The following GAS2L1 variants were observed in gnomAD, a reference collection of about 807,000 sequenced individuals.
GAS2L1 encodes growth arrest specific 2 like 1.
In GAS2L1, 26 loss-of-function variants were observed where a neutral mutation model predicts 44.0. The observed-to-expected ratio is 0.59, with a 90% CI of 0.43 to 0.82. The LOEUF is 0.82. Among genes scored for constraint, GAS2L1 ranks in the 40% least tolerant of loss-of-function variants. The probability of loss-of-function intolerance (pLI) is 0.00; values close to 1 mark genes in which losing one functional copy is unlikely to be tolerated. For missense variants in GAS2L1, 1,006 were observed against 983.0 expected, an observed-to-expected ratio of 1.02 and a Z score of -0.31; for synonymous variants, 426 against 415.9, an observed-to-expected ratio of 1.02 and a Z score of -0.30.
At chr22:29,310,294 G>T in intron 1 of GAS2L1, 145 bp from the exon 3 acceptor site, 1 of 565,624 alleles carries the variant, frequency 1.8e-6, no homozygotes. Context: ...AAGGTCACGT[G>T]TGGAAGCTGT....
rs1168471133 is a variant in GAS2L1, at chr22:29,311,013, G to A, written c.1010+15G>A. 3 of 1,606,268 alleles carry A rather than the reference G, an allele frequency of 1.9e-6. No homozygotes were observed. Among genetic ancestry groups the A allele is most frequent in the African/African-American group, 1.3e-5 (1 of 74,878 alleles). Reference sequence around the variant, plus strand: ...ACCCCACCCAGGTGAGATGCAGGAGGACGAGGAGTGAGGGGTCCAGAGGGT... The same window carrying A: ...ACCCCACCCAGGTGAGATGCAGGAGAACGAGGAGTGAGGGGTCCAGAGGGT... On this transcript the variant is annotated intron_variant, in intron 4 of 4. Transcript: ENST00000618518.
At chr22:29,307,988 G>A (rs2061365006) in exon 1 of GAS2L1, 1 of 774,824 alleles carries the variant, frequency 1.3e-6, no homozygotes, top group Non-Finnish European at 1.9e-6. Context: ...CCAGGCATTT[G>A]GCCTGAGTGA....
At chr22:29,310,938 G>T in exon 4 of GAS2L1, 1 of 1,613,748 alleles carries the variant, frequency 6.2e-7, no homozygotes, top group Middle Eastern at 1.7e-4. Flanking sequence ...CGGGGCTCCC[G>T]GCCTGAGATG....
chr22:29,311,471 T>A, exon 5 of GAS2L1: 1 of 1,370,244 alleles, frequency 7.3e-7, no homozygotes, highest in Non-Finnish European at 9.9e-7. Flanking sequence ...GGCCCCGGGA[T>A]CAGCTGCCCC....
exon 1 of GAS2L1, chr22:29,307,450 CT>C (rs1569137863): frequency 6.6e-6 from 1 of 152,372 alleles, no homozygotes; most frequent in African/African-American, 2.4e-5. Flanking sequence ...CGCCGGGCTC[CT>C]CCACCCACAG....
exon 3 of GAS2L1, chr22:29,310,721 C>A: frequency 1.2e-6 from 2 of 1,609,178 alleles, no homozygotes; most frequent in Non-Finnish European, 1.7e-6. Context: ...ACCCGTGCCG[C>A]TGCTCCTCCA....
chr22:29,308,179 A>T, exon 1 of GAS2L1: 1 of 1,605,914 alleles, frequency 6.2e-7, no homozygotes, highest in Non-Finnish European at 8.5e-7. Context: ...AGTGAGGCCT[A>T]CGTGGAGGCC....
At chr22:29,310,847 A>G in exon 4 of GAS2L1, 2 of 1,611,392 alleles carry the variant, frequency 1.2e-6, no homozygotes, top group Non-Finnish European at 1.7e-6. Context: ...ACCCCAGCCG[A>G]GGGTCTGCAC....
exon 3 of GAS2L1, chr22:29,310,732 C>G (rs757586404): frequency 2.5e-5 from 40 of 1,608,422 alleles, no homozygotes; most frequent in Non-Finnish European, 3.4e-5. Context: ...TGCTCCTCCA[C>G]TGGTCAGTGC....
At position 29,311,016 on chromosome 22, in the gene GAS2L1, G is replaced by C. The variant is rs1425610122; in HGVS notation, c.1010+18G>C. ...CCACCCAGGTGAGATGCAGGAGGACGAGGAGTGAGGGGTCCAGAGGGTGGG... is the reference window on the plus strand; with the variant it reads ...CCACCCAGGTGAGATGCAGGAGGACCAGGAGTGAGGGGTCCAGAGGGTGGG... On this transcript the variant is annotated intron_variant, in intron 4 of 4. Transcript: ENST00000618518. 2.5e-6 allele frequency: 4 copies of C among 1,604,694 alleles called. 1 individual carries two copies. The South Asian group carries it at 4.4e-5, about 18-fold the overall frequency.
At chr22:29,310,350 C>G in intron 1 of GAS2L1, 89 bp from the exon 3 acceptor site, 1 of 746,054 alleles carries the variant, frequency 1.3e-6, no homozygotes, top group African/African-American at 1.7e-5. Context: ...CCCGGAAAGC[C>G]TGACTTCCTC....
chr22:29,307,205 G>A (rs2061358530), exon 1 of GAS2L1: 1 of 152,094 alleles, frequency 6.6e-6, no homozygotes, highest in South Asian at 2.1e-4. Flanking sequence ...GGACGGGGGT[G>A]GGGAGGCGGG....
At chr22:29,312,492 A>T in exon 5 of GAS2L1, 1 of 1,507,786 alleles carries the variant, frequency 6.6e-7, no homozygotes. Flanking sequence ...AGATTCCTGG[A>T]TGTGATGGAC....
At chr22:29,309,412 C>T (rs769332633) in intron 1 of GAS2L1, among the ~76,000 whole-genome samples, 38 of 152,356 alleles carry the variant, frequency 2.5e-4, no homozygotes, top group Non-Finnish European at 4.1e-4. Context: ...GAGGGCTGGA[C>T]CAAGAGTTTC....
chr22:29,308,732 C>T, exon 1 of GAS2L1: 1 of 1,489,558 alleles, frequency 6.7e-7, no homozygotes, highest in South Asian at 1.4e-5. Flanking sequence ...GCAACCTCGA[C>T]GAGCTGGTGA....
intron 1 of GAS2L1, among the ~76,000 whole-genome samples, chr22:29,309,820 G>A (rs2061384386): frequency 6.6e-6 from 1 of 152,236 alleles, no homozygotes; most frequent in Non-Finnish European, 1.5e-5. Context: ...GGGTGAAGCG[G>A]GAGTGAGGAC....
chr22:29,308,875 A>G, intron 1 of GAS2L1, 137 bp downstream of exon 2: 2 of 664,864 alleles, frequency 3.0e-6, no homozygotes, highest in Non-Finnish European at 4.6e-6. Flanking sequence ...GTTGAGCACC[A>G]AACCGAGGAA....
chr22:29,311,753 C>G lies in GAS2L1; in HGVS notation c.1302C>G (p.Ala434=), dbSNP rs777864672. Residue 434 remains alanine (A), a synonymous_variant, in exon 5 of 5, where the codon GCC becomes GCG. Transcript: ENST00000618518. ...CGGTCCCCAGCCCTGCCCGGCGGGC[C>G]CGGAGCCAGAGCCGCGAGGAGCAGG... 117 of 1,535,950 alleles carry G rather than the reference C, an allele frequency of 7.6e-5. No individual in the cohort carries two copies. The Middle Eastern group carries it at 1.4e-3, about 19-fold the overall frequency.
At chr22:29,311,143 T>A (rs1438514886) in intron 4 of GAS2L1, 145 bp downstream of exon 5, 2 of 762,568 alleles carry the variant, frequency 2.6e-6, no homozygotes, top group Admixed American at 5.9e-5. Flanking sequence ...GCTTCCCATC[T>A]CCATGGCAAC....
Sources: gnomAD v4.1 joint callset for allele counts (sites outside exome capture counted in the v4.1 genomes callset) on GRCh38, gnomAD v4.1.1 for gene constraint, MANE v1.5 for transcripts, NCBI Gene and HGNC (gene_info 2026-07-23, HGNC 2026-07-21) for gene names.